Variants in ACAN observed in about 807,000 individuals in gnomAD.
The protein encoded by ACAN is aggrecan, also known as aggrecan core protein.
In ACAN, 47 loss-of-function variants were observed where a neutral mutation model predicts 169.1. The ratio of observed to expected loss-of-function variants is 0.28; its 90% confidence interval spans 0.22 to 0.35. The LOEUF (loss-of-function observed/expected upper bound fraction) is 0.35, where lower values mean the gene tolerates loss of function less well. Ranked by LOEUF, ACAN falls within the 10% of genes least tolerant of loss-of-function variation. The pLI is 1.00. For missense variants in ACAN, 2,716 were observed against 2,759.9 expected, an observed-to-expected ratio of 0.98 and a Z score of 0.36; for synonymous variants, 1,115 against 1,112.2, an observed-to-expected ratio of 1.00 and a Z score of -0.05.
At chr15:88,865,590 G>A (rs1897266428) in intron 13 of ACAN, among the ~76,000 whole-genome samples, 1 of 152,152 alleles carries the variant, frequency 6.6e-6, no homozygotes, top group Non-Finnish European at 1.5e-5. Context: ...GGAGGTTCTT[G>A]AGAGTTACTG....
Position 88,870,670 on chromosome 15 carries a change from C to T in ACAN, c.7061-712C>T, listed in dbSNP as rs777087752. Among the ~76,000 whole-genome samples the T allele has an allele frequency of 3.9e-5, 6 of 152,122 alleles. No individual in the cohort carries two copies. Among genetic ancestry groups the T allele is most frequent in the East Asian group, 3.8e-4 (2 of 5,198 alleles). ...CCTTCTCCAGACTGAGAACCCATTA[C>T]GAATTTAGGTTTGTGAGGAGAGAAG... On this transcript the variant is annotated intron_variant, in intron 14 of 18. Transcript: ENST00000560601. This position sits in a 1 kb window ranked among gnomAD's most constrained non-coding sequence, Gnocchi z 6.3.
chr15:88,866,579 C>A lies in ACAN; in HGVS notation c.6947-1637C>A, dbSNP rs144076921. ...TGGTTCTAGTCTATGGTGTGCCCCC[C>A]CGAGATGAAGTTAAAGACTTCATGG... On this transcript the variant is annotated intron_variant, in intron 13 of 18. Transcript: ENST00000560601. This position sits in a 1 kb window ranked among gnomAD's most constrained non-coding sequence, Gnocchi z 5.6. Among the ~76,000 whole-genome samples the A allele has an allele frequency of 0.01, 1,522 of 152,100 alleles. 8 individuals are homozygous for A. Among genetic ancestry groups the A allele is most frequent in the Non-Finnish European group, 0.015 (1,041 of 68,002 alleles).
intron 2 of ACAN, among the ~76,000 whole-genome samples, chr15:88,836,751 G>C (rs981881882): frequency 1.3e-5 from 2 of 152,218 alleles, no homozygotes; most frequent in Non-Finnish European, 2.9e-5. Flanking sequence ...AACCATCCTC[G>C]GGAAGCCCCA....
chr15:88,814,689 AC>A lies in ACAN; in HGVS notation c.-8+10883del, dbSNP rs1895897219. Reference sequence around the variant, plus strand: ...GTGTGCAGCCTTTGCAATTGATTGTACCCGACTCCTTCAACCCTTCTCTGGG... The same window carrying A: ...GTGTGCAGCCTTTGCAATTGATTGTACCGACTCCTTCAACCCTTCTCTGGG... On this transcript the variant is annotated intron_variant, in intron 1 of 18. Transcript: ENST00000560601. This position sits in a 1 kb window ranked among gnomAD's most constrained non-coding sequence, Gnocchi z 4.0. 6.6e-6 allele frequency among the ~76,000 whole-genome samples: 1 copy of A among 152,170 alleles called. No homozygotes were observed. The highest frequency in any genetic ancestry group is 2.4e-5 in the African/African-American group (1 of 41,432).
At chr15:88,841,050 C>T (rs1387771665) in intron 4 of ACAN, among the ~76,000 whole-genome samples, 2 of 152,184 alleles carry the variant, frequency 1.3e-5, no homozygotes, top group Non-Finnish European at 2.9e-5. Context: ...GAGGCTGAGG[C>T]AGGAGAATGG....
chr15:88,829,560 T>G lies in ACAN; in HGVS notation c.-7-6640T>G, dbSNP rs562497672. ...TCGAGTGCATATGCTACTGCGTTTATGCACAGCTATCAGGATGATCTTGTT... is the reference window on the plus strand; with the variant it reads ...TCGAGTGCATATGCTACTGCGTTTAGGCACAGCTATCAGGATGATCTTGTT... On this transcript the variant is annotated intron_variant, in intron 1 of 18. Transcript: ENST00000560601. Among the ~76,000 whole-genome samples, 10 of 152,358 alleles carry G rather than the reference T, an allele frequency of 6.6e-5. No homozygotes were observed. The South Asian group carries it at 2.1e-3, about 32-fold the overall frequency.
At position 88,847,283 on chromosome 15, in the gene ACAN, G is replaced by A. The variant is rs373757072; in HGVS notation, c.1470G>A (p.Ser490=). 1.2e-4 allele frequency: 183 copies of A among 1,568,920 alleles called. No homozygotes were observed. The highest frequency in any genetic ancestry group is 1.5e-4 in the Non-Finnish European group (168 of 1,158,482). ...ACCGCCCGGGACCCACCCGCTACTCGCTGACCTTTGAGGAGGCACAGCAGG... is the reference window on the plus strand; with the variant it reads ...ACCGCCCGGGACCCACCCGCTACTCACTGACCTTTGAGGAGGCACAGCAGG... ...FHYRPGPTRY[S]LTFEEAQQAC... Residue 490 remains serine, a synonymous_variant, in exon 8 of 19, where the codon TCG becomes TCA. Coordinates refer to ENST00000560601, the MANE Select transcript of ACAN (RefSeq NM_001369268.1).
At chr15:88,810,274 T>G (rs1895788164) in intron 1 of ACAN, among the ~76,000 whole-genome samples, 1 of 149,778 alleles carries the variant, frequency 6.7e-6, no homozygotes, top group Non-Finnish European at 1.5e-5. Context: ...ATTTGGTCCT[T>G]GGGTTACCCA....
intron 1 of ACAN, among the ~76,000 whole-genome samples, chr15:88,815,249 A>T (rs1295377380): frequency 6.6e-6 from 1 of 152,062 alleles, no homozygotes; most frequent in Non-Finnish European, 1.5e-5. Context: ...AGAAAGCCAC[A>T]AAGATTGGAT....
intron 1 of ACAN, among the ~76,000 whole-genome samples, chr15:88,815,655 T>TA (rs1491365655): frequency 3.0e-3 from 215 of 71,446 alleles, no homozygotes; most frequent in East Asian, 0.01. Context: ...TCTGCACTGA[T>TA]TAAAAAAAAA....
chr15:88,850,767 CTG>C (rs1431255482), intron 10 of ACAN: 2 of 151,948 alleles, frequency 1.3e-5, no homozygotes, highest in Non-Finnish European at 2.9e-5. Flanking sequence ...TGGTGAAACC[CTG>C]TCTCTACTAA....
intron 6 of ACAN, among the ~76,000 whole-genome samples, chr15:88,844,234 A>C (rs1162563708): frequency 1.3e-5 from 2 of 151,460 alleles, no homozygotes; most frequent in Admixed American, 6.6e-5. Flanking sequence ...TCCTGGGCTC[A>C]AGCAATCCTC....
chr15:88,842,510 AT>A (rs1567177168), intron 5 of ACAN, among the ~76,000 whole-genome samples: 4 of 36,846 alleles, frequency 1.1e-4, no homozygotes, highest in African/African-American at 4.0e-4. Context: ...CTCCCTGCCC[AT>A]CCCCCCTCCC....
intron 11 of ACAN, among the ~76,000 whole-genome samples, chr15:88,853,753 GATACATACATACATAC>G (rs3080433): frequency 1.3e-5 from 2 of 150,176 alleles, no homozygotes; most frequent in East Asian, 2.0e-4. Flanking sequence ...TAGATAGATA[GATACATACATACATAC>G]ATACATACAT....
At chr15:88,831,412 C>T (rs1567171531) in intron 1 of ACAN, among the ~76,000 whole-genome samples, 1 of 152,244 alleles carries the variant, frequency 6.6e-6, no homozygotes. Flanking sequence ...TGGGCACCAC[C>T]TAGGTGCTCA....
Position 88,856,795 on chromosome 15 carries a change from G to C in ACAN, c.4210G>C (p.Ala1404Pro). ...TTCTGGAGAAGTTCTAGAGACTACT[G>C]CCCCTGGAGTAGAGGAGATCAGCGG... ...LPSGEVLETT[A>P]PGVEEISGLP... The change falls in exon 12 of 19, where the codon GCC becomes CCC. Residue 1404 changes from alanine to proline, a missense_variant. Coordinates refer to ENST00000560601, the MANE Select transcript of ACAN (RefSeq NM_001369268.1). 1 of 1,358,730 alleles carries C rather than the reference G, an allele frequency of 7.4e-7. No homozygotes were observed. The highest frequency in any genetic ancestry group is 1.2e-5 in the South Asian group (1 of 83,212). 84.2% of individuals were successfully genotyped at this position (1,358,730 alleles called of 1,614,324 possible). A position where few individuals can be genotyped will look rare whatever the true frequency, so the allele number is the denominator to read the frequency against.
At position 88,870,253 on chromosome 15, in the gene ACAN, C is replaced by T. The variant is rs897875163; in HGVS notation, c.7061-1129C>T. Among the ~76,000 whole-genome samples the T allele has an allele frequency of 5.9e-5, 9 of 152,296 alleles. No individual in the cohort carries two copies. The highest frequency in any genetic ancestry group is 1.4e-4 in the African/African-American group (6 of 41,564). On this transcript the variant is annotated intron_variant, in intron 14 of 18. Coordinates refer to ENST00000560601, the MANE Select transcript of ACAN (RefSeq NM_001369268.1). The surrounding 1 kb of genome is among the most constrained non-coding windows in gnomAD (Gnocchi z 6.3). Reference sequence around the variant, plus strand: ...CCTTCAGCCTAAGACTCCTTCCCCTCGGGTACTGGTCCTTCCATTCCAGGA... The same window carrying T: ...CCTTCAGCCTAAGACTCCTTCCCCTTGGGTACTGGTCCTTCCATTCCAGGA...
chr15:88,867,931 G>T (rs1897306154), intron 13 of ACAN, among the ~76,000 whole-genome samples: 1 of 152,242 alleles, frequency 6.6e-6, no homozygotes, highest in African/African-American at 2.4e-5. Context: ...TTTGGCTTTA[G>T]ACCTATCAGA....
At chr15:88,820,494 G>A (rs1342281587) in intron 1 of ACAN, among the ~76,000 whole-genome samples, 1 of 152,056 alleles carries the variant, frequency 6.6e-6, no homozygotes, top group African/African-American at 2.4e-5. Context: ...TCAGAATCTG[G>A]CCCCACTTTG....
Sources: gnomAD v4.1 joint callset for allele counts (sites outside exome capture counted in the v4.1 genomes callset) on GRCh38, gnomAD v4.1.1 for gene constraint, Gnocchi (gnomAD v3.1) non-coding constraint, MANE v1.5 for transcripts, NCBI Gene and HGNC (gene_info 2026-07-23, HGNC 2026-07-21) for gene names.